Variants in SNX3 observed in about 807,000 individuals in gnomAD.
SNX3 encodes the protein sorting nexin-3.
SNX3 carries 5 observed loss-of-function variants against 17.7 expected under a neutral mutation model. That is an observed-to-expected ratio of 0.28 (90% CI 0.15 to 0.59). The LOEUF (loss-of-function observed/expected upper bound fraction) is 0.59. Ranked by LOEUF, SNX3 falls within the 20% of genes least tolerant of loss-of-function variation. SNX3 has a pLI of 0.88. For missense variants in SNX3, 132 were observed against 206.8 expected, an observed-to-expected ratio of 0.64 and a Z score of 2.22; for synonymous variants, 91 against 76.5, an observed-to-expected ratio of 1.19 and a Z score of -0.99.
At chr6:108,223,964 G>A (rs574141422) in intron 1 of SNX3, among the ~76,000 whole-genome samples, 298 of 152,168 alleles carry the variant, frequency 2.0e-3, no homozygotes, top group Non-Finnish European at 2.6e-3. Flanking sequence ...GGTGAAAAAA[G>A]GCTAGCTCTT....
intron 2 of SNX3, among the ~76,000 whole-genome samples, chr6:108,216,856 T>C (rs1774597861): frequency 6.6e-6 from 1 of 152,212 alleles, no homozygotes; most frequent in Non-Finnish European, 1.5e-5. Flanking sequence ...CTAGATTTAC[T>C]CTCCTCAGAT....
At chr6:108,214,713 A>G in intron 2 of SNX3, 91 bp from the exon 3 acceptor site, 2 of 1,338,994 alleles carry the variant, frequency 1.5e-6, no homozygotes, top group Non-Finnish European at 1.0e-6. Context: ...TGTCCTCACT[A>G]TGACAGCCAT....
chr6:108,216,237 G>A (rs1774572937), intron 2 of SNX3, among the ~76,000 whole-genome samples: 1 of 148,716 alleles, frequency 6.7e-6, no homozygotes, highest in Non-Finnish European at 1.5e-5. Context: ...GTGCTACCAC[G>A]CCTGGCTAAT....
intron 2 of SNX3, among the ~76,000 whole-genome samples, chr6:108,216,006 C>T (rs1774562421): frequency 6.6e-6 from 1 of 152,154 alleles, no homozygotes; most frequent in Non-Finnish European, 1.5e-5. Context: ...AGCTATTTCA[C>T]AGGTTAGTTT....
chr6:108,227,903 T>G (rs1775023728), intron 1 of SNX3, among the ~76,000 whole-genome samples: 1 of 152,038 alleles, frequency 6.6e-6, no homozygotes, highest in Admixed American at 6.6e-5. Flanking sequence ...TTTATTTAAC[T>G]TTCATAAAAT....
At chr6:108,215,921 C>T (rs972665440) in intron 2 of SNX3, among the ~76,000 whole-genome samples, 5 of 151,602 alleles carry the variant, frequency 3.3e-5, no homozygotes, top group South Asian at 2.1e-4. Context: ...AGCGAGACCC[C>T]GTCTTAAAAA....
intron 1 of SNX3, among the ~76,000 whole-genome samples, chr6:108,226,505 C>T (rs758620336): frequency 2.6e-5 from 4 of 152,128 alleles, no homozygotes; most frequent in South Asian, 2.1e-4. Context: ...ATATTCTGTC[C>T]GTTAATTCAG....
At chr6:108,215,297 T>G (rs976872343) in intron 2 of SNX3, among the ~76,000 whole-genome samples, 5 of 143,792 alleles carry the variant, frequency 3.5e-5, no homozygotes, top group Non-Finnish European at 6.0e-5. Flanking sequence ...TTGCAGTGAG[T>G]GGAGATCACG....
chr6:108,225,639 A>C (rs1235151435), intron 1 of SNX3, among the ~76,000 whole-genome samples: 2 of 152,134 alleles, frequency 1.3e-5, no homozygotes, highest in African/African-American at 4.8e-5. Flanking sequence ...CTCAAACAAA[A>C]CAAAACAAAA....
intron 2 of SNX3, among the ~76,000 whole-genome samples, chr6:108,217,858 G>C (rs1384056651): frequency 6.6e-6 from 1 of 151,996 alleles, no homozygotes; most frequent in East Asian, 1.9e-4. Flanking sequence ...ACAATATATT[G>C]AAAGCTAAAG....
rs1454874686 is a variant in SNX3, at chr6:108,212,103, C to CT, written c.*45dup. ...AAAAGTTAGAACTTCTTCACTGGTG[C>CT]TTATCAATCATTAATAGTCACGTTT... On this transcript the variant is annotated 3_prime_UTR_variant, in exon 4 of 4. Transcript: ENST00000230085. The CT allele has an allele frequency of 3.0e-6, 3 of 995,604 alleles. No individual in the cohort carries two copies. Among genetic ancestry groups the CT allele is most frequent in the Non-Finnish European group, 4.7e-6 (3 of 642,412 alleles). The allele number at this position is 995,604 out of a possible 1,614,324, so 61.7% of individuals were successfully genotyped here.
At chr6:108,233,457 T>C (rs1428818514) in intron 1 of SNX3, among the ~76,000 whole-genome samples, 1 of 152,232 alleles carries the variant, frequency 6.6e-6, no homozygotes, top group Non-Finnish European at 1.5e-5. Flanking sequence ...GAGAATCTCA[T>C]GCAACTGATC....
intron 1 of SNX3, among the ~76,000 whole-genome samples, chr6:108,244,877 T>G (rs1217311352): frequency 6.6e-6 from 1 of 152,000 alleles, no homozygotes; most frequent in East Asian, 1.9e-4. Context: ...TGACCTCAAG[T>G]AATCCACCTG....
intron 1 of SNX3, among the ~76,000 whole-genome samples, chr6:108,231,363 G>C (rs1053470039): frequency 6.6e-6 from 1 of 152,202 alleles, no homozygotes; most frequent in African/African-American, 2.4e-5. Flanking sequence ...GAGATTACTG[G>C]CATGAGCCAC....
chr6:108,253,600 T>G (rs1178070687), intron 1 of SNX3, among the ~76,000 whole-genome samples: 2 of 152,178 alleles, frequency 1.3e-5, no homozygotes, highest in Non-Finnish European at 2.9e-5. Context: ...GTTTTCTATC[T>G]TTGACAAATG....
intron 1 of SNX3, among the ~76,000 whole-genome samples, chr6:108,235,489 T>C (rs1424847871): frequency 6.6e-6 from 1 of 152,208 alleles, no homozygotes; most frequent in Non-Finnish European, 1.5e-5. Flanking sequence ...TTAGGGTTTT[T>C]ACATAGCAAT....
intron 1 of SNX3, among the ~76,000 whole-genome samples, chr6:108,230,905 A>ATTGTTAT (rs1404760751): frequency 1.3e-5 from 2 of 152,308 alleles, no homozygotes; most frequent in East Asian, 3.9e-4. Flanking sequence ...GCCTTTGTTA[A>ATTGTTAT]TTGTTATTTG....
rs111321556 is a variant in SNX3, at chr6:108,230,623, T to C, written c.163-7578A>G. 8.3e-4 allele frequency among the ~76,000 whole-genome samples: 127 copies of C among 152,292 alleles called. 1 individual carries two copies. The highest frequency in any genetic ancestry group is 2.9e-3 in the African/African-American group (122 of 41,562). On this transcript the variant is annotated intron_variant, in intron 1 of 3. Transcript: ENST00000230085. Reference sequence around the variant, plus strand: ...TGAGTTTGAGTAACCCTGGACTACTTTAGACTTCAATTTTGTTCATGGAGT... The same window carrying C: ...TGAGTTTGAGTAACCCTGGACTACTCTAGACTTCAATTTTGTTCATGGAGT...
chr6:108,235,584 A>C (rs1057424676), intron 1 of SNX3, among the ~76,000 whole-genome samples: 2 of 152,176 alleles, frequency 1.3e-5, no homozygotes, highest in Admixed American at 6.5e-5. Flanking sequence ...CATCTCTAAA[A>C]ACTTGGTAAC....
Sources: allele counts gnomAD v4.1 joint callset (sites outside exome capture counted in the v4.1 genomes callset), GRCh38; gene constraint gnomAD v4.1.1; transcripts MANE v1.5; gene names NCBI Gene and HGNC (gene_info 2026-07-23, HGNC 2026-07-21).